The following FGD3 variants were observed in gnomAD, a reference collection of about 807,000 sequenced individuals.
FGD3 encodes FYVE, RhoGEF and PH domain containing 3.
A neutral mutation model predicts 71.8 loss-of-function variants in FGD3; 45 were observed. The observed-to-expected ratio is 0.63, with a 90% CI of 0.49 to 0.80. The LOEUF is 0.80. FGD3 is among the 30% of genes least tolerant of loss of function. FGD3 has a pLI of 0.00. For synonymous variants in FGD3, 378 were observed against 392.8 expected, an observed-to-expected ratio of 0.96 and a Z score of 0.44; for missense variants, 844 against 951.5, an observed-to-expected ratio of 0.89 and a Z score of 1.49.
chr9:93,000,506 C>T (rs1433349997), intron 3 of FGD3, among the ~76,000 whole-genome samples: 2 of 152,102 alleles, frequency 1.3e-5, no homozygotes, highest in African/African-American at 2.4e-5. Flanking sequence ...TTTTGTTTAA[C>T]TGGAAAAGTG....
chr9:93,029,399 AT>A (rs1473340820), intron 14 of FGD3, among the ~76,000 whole-genome samples: 4 of 152,154 alleles, frequency 2.6e-5, no homozygotes, highest in African/African-American at 4.8e-5. Context: ...GCACACCTAT[AT>A]TCATCCATGT....
chr9:92,972,436 G>A (rs1020357929), intron 1 of FGD3, among the ~76,000 whole-genome samples: 1 of 140,890 alleles, frequency 7.1e-6, no homozygotes, highest in Non-Finnish European at 1.5e-5. Context: ...CTGTGTGACA[G>A]AGCGAGACTC....
chr9:92,980,165 C>T (rs1280584493), intron 3 of FGD3, among the ~76,000 whole-genome samples: 16 of 152,146 alleles, frequency 1.1e-4, no homozygotes, highest in African/African-American at 1.7e-4. Context: ...AGACTACAGG[C>T]GTGTGCCACC....
At chr9:92,980,976 A>AAAAAAAG (rs1859970565) in intron 3 of FGD3, among the ~76,000 whole-genome samples, 1 of 151,938 alleles carries the variant, frequency 6.6e-6, no homozygotes, top group Non-Finnish European at 1.5e-5. Context: ...ATCTCAAAAA[A>AAAAAAAG]AAAAAAGAAA....
At chr9:92,972,943 T>TA (rs1859590120) in intron 1 of FGD3, among the ~76,000 whole-genome samples, 1 of 152,152 alleles carries the variant, frequency 6.6e-6, no homozygotes, top group African/African-American at 2.4e-5. Flanking sequence ...TGGGCCTTCT[T>TA]ACATTCTCCA....
chr9:93,033,341 CCG>C (rs779905645), intron 16 of FGD3: 9,803 of 212,150 alleles, frequency 0.046, 537 homozygotes, highest in African/African-American at 0.12. Context: ...CTCCTCCTCC[CCG>C]TCCCCTTCTC....
At chr9:92,997,738 A>T (rs928530529) in intron 3 of FGD3, among the ~76,000 whole-genome samples, 1 of 152,140 alleles carries the variant, frequency 6.6e-6, no homozygotes, top group African/African-American at 2.4e-5. Flanking sequence ...TGTGAAGCTT[A>T]GTTTGGCTGG....
chr9:92,960,270 T>G (rs541180917), intron 1 of FGD3, among the ~76,000 whole-genome samples: 93 of 151,404 alleles, frequency 6.1e-4, no homozygotes, highest in African/African-American at 2.2e-3. Context: ...TACGTCCTGT[T>G]GTCATGTCTG....
At chr9:92,968,756 C>A (rs1859429661) in intron 1 of FGD3, among the ~76,000 whole-genome samples, 1 of 152,070 alleles carries the variant, frequency 6.6e-6, no homozygotes, top group African/African-American at 2.4e-5. Flanking sequence ...TGCAAGCCAT[C>A]ACGCCTGGCT....
At chr9:93,023,745 G>A (rs190231804) in intron 14 of FGD3, among the ~76,000 whole-genome samples, 352 of 151,188 alleles carry the variant, frequency 2.3e-3, no homozygotes, top group Non-Finnish European at 2.9e-3. Flanking sequence ...AGCCTGCCCC[G>A]GGGGACCCTG....
At chr9:92,981,034 A>C (rs1283065649) in intron 3 of FGD3, among the ~76,000 whole-genome samples, 1 of 151,628 alleles carries the variant, frequency 6.6e-6, no homozygotes, top group Non-Finnish European at 1.5e-5. Context: ...GTGGATTTTC[A>C]TTGTGTTATT....
At chr9:92,991,079 T>G (rs923554745) in intron 3 of FGD3, among the ~76,000 whole-genome samples, 15 of 152,014 alleles carry the variant, frequency 9.9e-5, no homozygotes, top group African/African-American at 3.6e-4. Flanking sequence ...GTTTGTTTGT[T>G]TGTTTGTTTG....
intron 9 of FGD3, among the ~76,000 whole-genome samples, chr9:93,015,471 AG>A (rs1406056092): frequency 6.6e-6 from 1 of 152,176 alleles, no homozygotes; most frequent in Non-Finnish European, 1.5e-5. Flanking sequence ...AAATAAAAAA[AG>A]GTTTTTTTTT....
At chr9:92,951,775 A>T (rs546654278) in intron 1 of FGD3, among the ~76,000 whole-genome samples, 1 of 152,322 alleles carries the variant, frequency 6.6e-6, no homozygotes, top group Non-Finnish European at 1.5e-5. Context: ...CTGGTGCCTG[A>T]AGGATTCATG....
In FGD3 at chr9:92,971,566, C is replaced by CTT. The variant is rs869043960; in HGVS notation, c.-217-3646_-217-3645dup. On this transcript the variant is annotated intron_variant, in intron 1 of 17. Transcript: ENST00000375482. ...TTTTTCTTTTCTTTTCTTTTCTTTT[C>CTT]TTTTTTTTTTTTTTTTTTTTTTTTT... 1.1e-3 allele frequency among the ~76,000 whole-genome samples: 43 copies of CTT among 39,570 alleles called. 1 individual carries two copies. The highest frequency in any genetic ancestry group is 1.7e-3 in the African/African-American group (19 of 10,862). 26.0% of individuals were successfully genotyped at this position (39,570 alleles called of 152,430 possible). A position where few individuals can be genotyped will look rare whatever the true frequency, so the allele number is the denominator to read the frequency against.
chr9:92,984,802 C>CT (rs955321149), intron 3 of FGD3, among the ~76,000 whole-genome samples: 4 of 147,790 alleles, frequency 2.7e-5, no homozygotes, highest in African/African-American at 5.0e-5. Flanking sequence ...GGGTGTGAAT[C>CT]TTTTTTTTCT....
At chr9:93,012,998 T>C (rs1010437420) in intron 8 of FGD3, among the ~76,000 whole-genome samples, 5 of 108,204 alleles carry the variant, frequency 4.6e-5, no homozygotes, top group Non-Finnish European at 8.8e-5. Context: ...CCAGCCCCCC[T>C]GGTACACACC....
chr9:93,006,963 A>AT (rs1050309586), intron 6 of FGD3, among the ~76,000 whole-genome samples: 2 of 151,256 alleles, frequency 1.3e-5, no homozygotes, highest in African/African-American at 4.9e-5. Context: ...TCCTGACCTC[A>AT]TGATCCGCCC....
At chr9:92,947,935 G>T (rs1419356270) in intron 1 of FGD3, among the ~76,000 whole-genome samples, 8 of 152,150 alleles carry the variant, frequency 5.3e-5, no homozygotes, top group Admixed American at 3.3e-4. Context: ...GCCCCCTCCT[G>T]AGCACAGCCC....
Sources: allele counts gnomAD v4.1 joint callset (sites outside exome capture counted in the v4.1 genomes callset), GRCh38; gene constraint gnomAD v4.1.1; transcripts MANE v1.5; gene names NCBI Gene and HGNC (gene_info 2026-07-23, HGNC 2026-07-21).